Variants in AFAP1 observed in about 807,000 individuals in gnomAD.
AFAP1 encodes the protein actin filament-associated protein 1.
AFAP1 carries 75 observed loss-of-function variants against 93.9 expected under a neutral mutation model. That is an observed-to-expected ratio of 0.80 (90% confidence interval 0.66 to 0.97). AFAP1 has a LOEUF of 0.97. AFAP1 is among the 50% of genes least tolerant of loss of function. The pLI is 0.00. For synonymous variants in AFAP1, 517 were observed against 430.7 expected, an observed-to-expected ratio of 1.20 and a Z score of -2.48; for missense variants, 1,201 against 1,050.8, an observed-to-expected ratio of 1.14 and a Z score of -1.98.
rs116042187 is a variant in AFAP1 at position 7,874,127 on chromosome 4, A to T, written c.-2-2047T>A. Among the ~76,000 whole-genome samples, 904 of 152,324 alleles carry T rather than the reference A, an allele frequency of 5.9e-3. 7 individuals are homozygous for T. Among genetic ancestry groups the T allele is most frequent in the African/African-American group, 0.019 (790 of 41,568 alleles). On this transcript the variant is annotated intron_variant, in intron 1 of 17. Transcript: ENST00000420658. ...TGCACAACTCAGTGAACCATGATGTAACAAAGTCATGTATGGGTAAAAGAT... is the reference window on the plus strand; with the variant it reads ...TGCACAACTCAGTGAACCATGATGTTACAAAGTCATGTATGGGTAAAAGAT...
Position 7,781,500 on chromosome 4 carries a change from T to A in AFAP1, c.1658A>T (p.Asp553Val). Residue 553 changes from aspartate to valine, a missense_variant, in exon 13 of 18, where the codon GAC becomes GTC. By Grantham distance (152) the Asp-to-Val change is radical. Transcript: ENST00000420658. ...PHIFARYSPADRKASRLSADK... is the reference protein window; with the variant it reads ...PHIFARYSPAVRKASRLSADK... ...AGCAGACAGCCTAGAGGCCTTTCTG[T>A]CAGCAGGAGAGTAGCGGGCAAAGAT... 2 of 1,552,238 alleles carry A rather than the reference T, an allele frequency of 1.3e-6. No individual in the cohort carries two copies. Among genetic ancestry groups the A allele is most frequent in the Non-Finnish European group, 1.7e-6 (2 of 1,147,106 alleles).
intron 17 of AFAP1, among the ~76,000 whole-genome samples, chr4:7,764,664 T>G (rs1185023793): frequency 1.3e-5 from 2 of 152,248 alleles, no homozygotes; most frequent in African/African-American, 2.4e-5. Flanking sequence ...CCCTGAGTGC[T>G]GGCTGCAGAT....
At chr4:7,812,882 C>T (rs1025688286) in intron 8 of AFAP1, among the ~76,000 whole-genome samples, 1 of 152,166 alleles carries the variant, frequency 6.6e-6, no homozygotes, top group Non-Finnish European at 1.5e-5. Context: ...CCAACAGACA[C>T]ATTCACAAAT....
At chr4:7,820,206 A>G (rs1465488211) in intron 6 of AFAP1, among the ~76,000 whole-genome samples, 1 of 152,190 alleles carries the variant, frequency 6.6e-6, no homozygotes, top group Non-Finnish European at 1.5e-5. Flanking sequence ...ATGGGACTTG[A>G]GGGAAAGAAC....
chr4:7,808,155 A>T (rs1167119033), intron 9 of AFAP1, among the ~76,000 whole-genome samples: 3 of 152,226 alleles, frequency 2.0e-5, no homozygotes, highest in Non-Finnish European at 4.4e-5. Context: ...CCGCAATAGT[A>T]CACAAGGAAA....
At chr4:7,800,258 A>G (rs6839744) in intron 10 of AFAP1, among the ~76,000 whole-genome samples, 184 bp downstream of exon 10, 96,861 of 151,988 alleles carry the variant, frequency 0.64, 33,205 homozygotes, top group African/African-American at 0.88. Flanking sequence ...CCAGAAAAAA[A>G]ACTGAGGCAA....
At chr4:7,783,692 C>T (rs564713281) in intron 12 of AFAP1, among the ~76,000 whole-genome samples, 2 of 152,310 alleles carry the variant, frequency 1.3e-5, no homozygotes, top group South Asian at 4.1e-4. Flanking sequence ...AACACTTGCT[C>T]CTGGGGGTGG....
intron 3 of AFAP1, among the ~76,000 whole-genome samples, chr4:7,863,639 C>T (rs1450490071): frequency 2.6e-5 from 4 of 152,156 alleles, no homozygotes; most frequent in African/African-American, 7.2e-5. Flanking sequence ...CTCCTGCAAG[C>T]ACTTCCAAAG....
At position 7,914,633 on chromosome 4, in the gene AFAP1, T is replaced by C. The variant is rs1422183249; in HGVS notation, c.-3+25023A>G. 4.6e-5 allele frequency among the ~76,000 whole-genome samples: 7 copies of C among 151,806 alleles called. No individual in the cohort carries two copies. In the East Asian group the frequency reaches 1.4e-3, roughly 29 times the overall value. ...GGTACAGATGCCCCTCCGACACTGA[T>C]TTCCTTTTCTCTGGGTATCTACACA... On this transcript the variant is annotated intron_variant, in intron 1 of 17. Transcript: ENST00000420658.
In AFAP1 at chr4:7,923,804, A is replaced by G. The variant is rs530697186; in HGVS notation, c.-3+15852T>C. Among the ~76,000 whole-genome samples, 9 of 152,256 alleles carry G rather than the reference A, an allele frequency of 5.9e-5. No homozygotes were observed. The South Asian group carries it at 1.9e-3, about 32-fold the overall frequency. Reference sequence around the variant, plus strand: ...CTAAGGCCACTGATCCTGTCAGACCAGGGCCCACGCTCATGACCTCATCTA... The same window carrying G: ...CTAAGGCCACTGATCCTGTCAGACCGGGGCCCACGCTCATGACCTCATCTA... On this transcript the variant is annotated intron_variant, in intron 1 of 17. Coordinates refer to ENST00000420658, the MANE Select transcript of AFAP1 (RefSeq NM_001134647.2).
At chr4:7,832,779 T>C (rs1459239155) in intron 6 of AFAP1, among the ~76,000 whole-genome samples, 1 of 151,694 alleles carries the variant, frequency 6.6e-6, no homozygotes, top group Non-Finnish European at 1.5e-5. Context: ...GCCATAGTCA[T>C]CAAAACAAAA....
At chr4:7,814,495 G>A (rs776154064) in intron 8 of AFAP1, among the ~76,000 whole-genome samples, 5 of 152,308 alleles carry the variant, frequency 3.3e-5, no homozygotes, top group Non-Finnish European at 5.9e-5. Context: ...TTTTTCAACC[G>A]TCGCTCCAAA....
intron 1 of AFAP1, among the ~76,000 whole-genome samples, chr4:7,885,078 A>C (rs1718069989): frequency 6.6e-6 from 1 of 152,198 alleles, no homozygotes; most frequent in Non-Finnish European, 1.5e-5. Flanking sequence ...TCTAGATTTC[A>C]GGCTCCAATT....
chr4:7,938,843 G>A (rs1416640661), intron 1 of AFAP1, among the ~76,000 whole-genome samples: 9 of 152,176 alleles, frequency 5.9e-5, no homozygotes, highest in African/African-American at 2.2e-4. Context: ...GAAGCGCGGC[G>A]GTGGGACGCG....
chr4:7,890,863 T>A (rs988138698), intron 1 of AFAP1, among the ~76,000 whole-genome samples: 3 of 152,114 alleles, frequency 2.0e-5, no homozygotes, highest in Non-Finnish European at 4.4e-5. Flanking sequence ...GTTTGGCAGT[T>A]TTTTGTAAAT....
At chr4:7,765,108 A>T (rs923347721) in intron 17 of AFAP1, among the ~76,000 whole-genome samples, 5 of 152,116 alleles carry the variant, frequency 3.3e-5, no homozygotes, top group Non-Finnish European at 5.9e-5. Context: ...TGTCTCAATC[A>T]ATCAATCAAT....
intron 8 of AFAP1, among the ~76,000 whole-genome samples, chr4:7,809,982 C>T (rs558030875): frequency 3.9e-5 from 6 of 152,282 alleles, no homozygotes; most frequent in South Asian, 2.1e-4. Context: ...CCTTGGCCTC[C>T]GGAGTAGCTG....
intron 14 of AFAP1, chr4:7,778,343 A>T (rs1716369602): frequency 7.3e-6 from 2 of 274,020 alleles, no homozygotes; most frequent in Non-Finnish European, 1.4e-5. Flanking sequence ...CAGCTATTCC[A>T]ACCGCACCAA....
chr4:7,768,725 G>T, intron 17 of AFAP1, 119 bp downstream of exon 17: 1 of 1,262,108 alleles, frequency 7.9e-7, no homozygotes, highest in Non-Finnish European at 1.1e-6. Context: ...TCTACTGAAG[G>T]CTGAGTGCCA....
Sources: gnomAD v4.1 joint callset for allele counts (sites outside exome capture counted in the v4.1 genomes callset) on GRCh38, gnomAD v4.1.1 for gene constraint, MANE v1.5 for transcripts, NCBI Gene and HGNC (gene_info 2026-07-23, HGNC 2026-07-21) for gene names.